Variants in HS3ST4 observed in about 807,000 individuals in gnomAD.
HS3ST4 encodes the protein heparan sulfate-glucosamine 3-sulfotransferase 4.
HS3ST4 carries 17 observed loss-of-function variants against 29.2 expected under a neutral mutation model. The ratio of observed to expected loss-of-function variants is 0.58; its 90% confidence interval spans 0.40 to 0.87. The LOEUF (loss-of-function observed/expected upper bound fraction) is 0.87. HS3ST4 is among the 40% of genes least tolerant of loss of function. The pLI is 0.00. For synonymous variants in HS3ST4, 314 were observed against 285.7 expected (o/e 1.10, Z -1.00); for missense variants, 627 against 634.5 (o/e 0.99, Z 0.13).
chr16:25,898,092 C>G (rs1278020201), intron 1 of HS3ST4, among the ~76,000 whole-genome samples: 1 of 152,184 alleles, frequency 6.6e-6, no homozygotes, highest in East Asian at 1.9e-4. Context: ...GAATTCACCC[C>G]GGCCTCTGTC....
intron 1 of HS3ST4, among the ~76,000 whole-genome samples, chr16:26,051,888 CCCTCCCT>C (rs1898351108): frequency 9.4e-6 from 1 of 106,642 alleles, no homozygotes; most frequent in African/African-American, 4.1e-5. Context: ...CTGCCTCCCT[CCCTCCCT>C]CCCTCCCTCC....
At chr16:26,034,377 G>T (rs1195127355) in intron 1 of HS3ST4, among the ~76,000 whole-genome samples, 3 of 152,210 alleles carry the variant, frequency 2.0e-5, no homozygotes, top group Non-Finnish European at 4.4e-5. Flanking sequence ...TCTATAGTCA[G>T]TCATTCAGTA....
At chr16:25,697,571 T>C (rs1477556003) in intron 1 of HS3ST4, among the ~76,000 whole-genome samples, 1 of 152,240 alleles carries the variant, frequency 6.6e-6, no homozygotes, top group East Asian at 1.9e-4. Flanking sequence ...GTGACTCACA[T>C]ATTTCTACTG....
At position 26,135,831 on chromosome 16, in the gene HS3ST4, C is replaced by T. The variant is rs1026120673; in HGVS notation, c.954C>T (p.Asn318=). 1.9e-6 allele frequency: 3 copies of T among 1,613,882 alleles called. No homozygotes were observed. The African/African-American group carries it at 4.0e-5, about 22-fold the overall frequency. Residue 318 remains asparagine, a synonymous_variant, in exon 2 of 2, where the codon AAC becomes AAT. Coordinates refer to ENST00000331351, the MANE Select transcript of HS3ST4 (RefSeq NM_006040.3). ...IPTFEVLAFK[N]RTLGLIDASW... ...CCTTTGAGGTGCTGGCCTTCAAAAA[C>T]CGGACCCTCGGGCTGATCGATGCTT...
intron 1 of HS3ST4, among the ~76,000 whole-genome samples, chr16:25,942,565 T>C (rs1048654423): frequency 1.1e-4 from 16 of 152,014 alleles, no homozygotes; most frequent in Admixed American, 1.0e-3. Context: ...CCTTAGGTCC[T>C]TGAGGCCTTT....
rs539836596 is a variant in HS3ST4, at chr16:25,702,303, A to G, written c.734+9152A>G. On this transcript the variant is annotated intron_variant, in intron 1 of 1. Transcript: ENST00000331351. ...GTGGCTGGTAAGGAAAAAACAATGT[A>G]TAATTTATAGATTTCCTATATGCCT... Among the ~76,000 whole-genome samples, 13 of 152,366 alleles carry G rather than the reference A, an allele frequency of 8.5e-5. No individual in the cohort carries two copies. In the South Asian group the frequency reaches 1.9e-3, roughly 22 times the overall value.
In HS3ST4 at chr16:25,891,238, T is replaced by C. The variant is rs560886193; in HGVS notation, c.734+198087T>C. On this transcript the variant is annotated intron_variant, in intron 1 of 1. Coordinates refer to ENST00000331351, the MANE Select transcript of HS3ST4 (RefSeq NM_006040.3). ...CTGAGTTCTATAGACTGGGTATATATAAGGTTGCGGATAGGAGATGATATT... is the reference window on the plus strand; with the variant it reads ...CTGAGTTCTATAGACTGGGTATATACAAGGTTGCGGATAGGAGATGATATT... Among the ~76,000 whole-genome samples the C allele has an allele frequency of 5.9e-5, 9 of 152,292 alleles. No individual in the cohort carries two copies. In the South Asian group the frequency reaches 1.9e-3, roughly 32 times the overall value.
At chr16:25,926,119 T>C (rs1968400532) in intron 1 of HS3ST4, among the ~76,000 whole-genome samples, 1 of 152,196 alleles carries the variant, frequency 6.6e-6, no homozygotes, top group Non-Finnish European at 1.5e-5. Context: ...AATTCCAAGG[T>C]TTTTAGAAAA....
intron 1 of HS3ST4, among the ~76,000 whole-genome samples, chr16:25,763,507 C>T (rs753295357): frequency 5.3e-5 from 8 of 152,162 alleles, no homozygotes; most frequent in East Asian, 1.9e-4. Context: ...CATTTACCAA[C>T]GATCACCAGG....
intron 1 of HS3ST4, among the ~76,000 whole-genome samples, chr16:25,783,742 C>T (rs1567239112): frequency 6.6e-6 from 1 of 152,162 alleles, no homozygotes; most frequent in Admixed American, 6.5e-5. Flanking sequence ...TTTCTAAGGG[C>T]ACAGTCACGA....
chr16:25,752,252 G>A (rs1461660850), intron 1 of HS3ST4, among the ~76,000 whole-genome samples: 1 of 152,176 alleles, frequency 6.6e-6, no homozygotes, highest in East Asian at 1.9e-4. Context: ...TTTCACAACA[G>A]CAAGTGGCCA....
chr16:25,850,227 A>T (rs1382812363), intron 1 of HS3ST4, among the ~76,000 whole-genome samples: 1 of 151,854 alleles, frequency 6.6e-6, no homozygotes, highest in East Asian at 1.9e-4. Flanking sequence ...TTGAACCCTG[A>T]TCCACCTGCC....
intron 1 of HS3ST4, among the ~76,000 whole-genome samples, chr16:25,840,502 T>C (rs1302230792): frequency 6.6e-6 from 1 of 152,244 alleles, no homozygotes; most frequent in Non-Finnish European, 1.5e-5. Context: ...GGTCATCACG[T>C]AGCTTCCAGC....
At chr16:25,752,740 A>G (rs1966730267) in intron 1 of HS3ST4, among the ~76,000 whole-genome samples, 1 of 152,198 alleles carries the variant, frequency 6.6e-6, no homozygotes, top group African/African-American at 2.4e-5. Flanking sequence ...TTTCCCCGAT[A>G]GGTCTGCTAT....
rs188957319 is a variant in HS3ST4, at chr16:25,943,484, G to T, written c.735-192128G>T. Among the ~76,000 whole-genome samples, 5 of 152,154 alleles carry T rather than the reference G, an allele frequency of 3.3e-5. No homozygotes were observed. The East Asian group carries it at 7.7e-4, about 23-fold the overall frequency. On this transcript the variant is annotated intron_variant, in intron 1 of 1. Coordinates refer to ENST00000331351, the MANE Select transcript of HS3ST4 (RefSeq NM_006040.3). ...ATGGCAAATACTGGATGACATTTTG[G>T]GGCTATTGAAAATATGGGTGGCTTT...
intron 1 of HS3ST4, among the ~76,000 whole-genome samples, chr16:25,902,924 C>A (rs1968133309): frequency 6.6e-6 from 1 of 151,608 alleles, no homozygotes; most frequent in Admixed American, 6.6e-5. Context: ...ATGGTGAGAC[C>A]CTGTCCATAC....
rs977730937 is a variant in HS3ST4, at chr16:25,731,265, G to C, written c.734+38114G>C. ...GGGCCCTACATGAACAAAAACAGCT[G>C]TTCACTGCATATCACATTGTTAGCA... On this transcript the variant is annotated intron_variant, in intron 1 of 1. Transcript: ENST00000331351. Among the ~76,000 whole-genome samples the C allele has an allele frequency of 5.9e-5, 9 of 152,172 alleles. No individual in the cohort carries two copies. In the South Asian group the frequency reaches 1.4e-3, roughly 25 times the overall value.
chr16:25,849,657 G>A (rs1274122386), intron 1 of HS3ST4, among the ~76,000 whole-genome samples: 3 of 152,070 alleles, frequency 2.0e-5, no homozygotes, highest in African/African-American at 7.2e-5. Flanking sequence ...GGTGTGTGCT[G>A]CCACATCCAG....
chr16:25,748,848 G>T (rs990773169), intron 1 of HS3ST4, among the ~76,000 whole-genome samples: 1 of 152,140 alleles, frequency 6.6e-6, no homozygotes, highest in Non-Finnish European at 1.5e-5. Flanking sequence ...TTTTTATACT[G>T]GTTTAGAATA....
Sources: gnomAD v4.1 joint callset for allele counts (sites outside exome capture counted in the v4.1 genomes callset) on GRCh38, gnomAD v4.1.1 for gene constraint, MANE v1.5 for transcripts, NCBI Gene and HGNC (gene_info 2026-07-23, HGNC 2026-07-21) for gene names.